GRID2: variants seen among roughly 807,000 people sequenced by gnomAD.
GRID2 encodes glutamate ionotropic receptor delta type subunit 2.
In GRID2, 33 loss-of-function variants were observed where a neutral mutation model predicts 114.8. The observed-to-expected ratio is 0.29, with a 90% CI of 0.22 to 0.38. The LOEUF (loss-of-function observed/expected upper bound fraction) is 0.38. Among genes scored for constraint, GRID2 ranks in the 10% least tolerant of loss-of-function variants. GRID2 has a pLI of 1.00. For missense variants in GRID2, 1,184 were observed against 1,257.7 expected (o/e 0.94, Z 0.89); for synonymous variants, 505 against 449.9 (o/e 1.12, Z -1.55).
intron 1 of GRID2, among the ~76,000 whole-genome samples, chr4:92,569,012 C>A (rs575788132): frequency 6.6e-6 from 1 of 151,858 alleles, no homozygotes; most frequent in South Asian, 2.1e-4. Flanking sequence ...CAAGACATGC[C>A]GGCTTGTTAA....
At chr4:92,641,019 A>G (rs1042886370) in intron 2 of GRID2, among the ~76,000 whole-genome samples, 1 of 151,638 alleles carries the variant, frequency 6.6e-6, no homozygotes, top group African/African-American at 2.4e-5. Context: ...AAGGACGACA[A>G]AAGAAGAGAG....
intron 1 of GRID2, among the ~76,000 whole-genome samples, chr4:92,584,256 A>G (rs1018515473): frequency 6.6e-6 from 1 of 151,998 alleles, no homozygotes; most frequent in African/African-American, 2.4e-5. Context: ...AAATGCCTGT[A>G]TAATTTCCAC....
At chr4:92,907,420 T>A (rs1748037330) in intron 2 of GRID2, among the ~76,000 whole-genome samples, 1 of 151,580 alleles carries the variant, frequency 6.6e-6, no homozygotes, top group African/African-American at 2.4e-5. Context: ...CAGTTTTAAA[T>A]TTTTTTTTGA....
At chr4:93,329,923 A>G (rs1183199429) in intron 8 of GRID2, among the ~76,000 whole-genome samples, 2 of 149,568 alleles carry the variant, frequency 1.3e-5, no homozygotes, top group African/African-American at 4.9e-5. Flanking sequence ...AAAAAAAAAA[A>G]TTGTACTTTT....
chr4:93,374,416 T>G (rs975106365), intron 8 of GRID2, among the ~76,000 whole-genome samples: 2 of 152,142 alleles, frequency 1.3e-5, no homozygotes, highest in Admixed American at 1.3e-4. Context: ...AATTGGTGGA[T>G]AGGCTGAGGA....
chr4:93,671,100 C>G (rs1724370770), intron 14 of GRID2, among the ~76,000 whole-genome samples: 1 of 152,056 alleles, frequency 6.6e-6, no homozygotes, highest in African/African-American at 2.4e-5. Flanking sequence ...TTGAAACTGT[C>G]CTATTTTAAT....
At chr4:93,066,388 C>T (rs1728296988) in intron 2 of GRID2, among the ~76,000 whole-genome samples, 1 of 151,778 alleles carries the variant, frequency 6.6e-6, no homozygotes, top group Non-Finnish European at 1.5e-5. Flanking sequence ...TAAAGATTTG[C>T]CTGGACAAAT....
chr4:93,181,955 T>G (rs1483473859), intron 4 of GRID2, among the ~76,000 whole-genome samples: 1 of 152,144 alleles, frequency 6.6e-6, no homozygotes, highest in Non-Finnish European at 1.5e-5. Flanking sequence ...AATATGGTAG[T>G]CCATGAGATT....
At chr4:92,307,207 TAGG>T (rs766443403) in intron 1 of GRID2, among the ~76,000 whole-genome samples, 10 of 152,116 alleles carry the variant, frequency 6.6e-5, no homozygotes, top group Non-Finnish European at 1.3e-4. Flanking sequence ...TAATTTTCTT[TAGG>T]AGGTGTTGCC....
At chr4:93,190,850 A>G (rs1239390351) in intron 4 of GRID2, among the ~76,000 whole-genome samples, 6 of 152,034 alleles carry the variant, frequency 3.9e-5, no homozygotes, top group Non-Finnish European at 8.8e-5. Context: ...ACCTTTATTC[A>G]TAAAGCAAGT....
In GRID2 at chr4:92,304,525, T is replaced by C. The variant is rs1725276417; in HGVS notation, c.-132T>C. 8.8e-6 allele frequency: 6 copies of C among 682,798 alleles called. No individual in the cohort carries two copies. Among genetic ancestry groups the C allele is most frequent in the Non-Finnish European group, 1.6e-5 (6 of 383,210 alleles). 42.3% of individuals were successfully genotyped at this position (682,798 alleles called of 1,614,324 possible). ...TCTCGGCGACGATAAAAGGCTTTGCTCTGGCAATAGGAATTTAGAAAAAAA... is the reference window on the plus strand; with the variant it reads ...TCTCGGCGACGATAAAAGGCTTTGCCCTGGCAATAGGAATTTAGAAAAAAA... On this transcript the variant is annotated 5_prime_UTR_variant, in exon 1 of 16. Transcript: ENST00000282020.
At chr4:92,834,294 T>A (rs532958574) in intron 2 of GRID2, among the ~76,000 whole-genome samples, 2 of 152,316 alleles carry the variant, frequency 1.3e-5, no homozygotes, top group South Asian at 4.1e-4. Context: ...TCTAAGGAAT[T>A]TCATTTCATA....
intron 4 of GRID2, 44 bp from the exon 5 acceptor site, chr4:93,207,360 G>C: frequency 1.5e-6 from 2 of 1,359,810 alleles, no homozygotes; most frequent in Non-Finnish European, 2.1e-6. Context: ...GGTTTGTTTT[G>C]CATGATTAAT....
intron 2 of GRID2, among the ~76,000 whole-genome samples, chr4:93,073,905 A>G (rs1729033725): frequency 6.6e-6 from 1 of 152,228 alleles, no homozygotes; most frequent in Non-Finnish European, 1.5e-5. Flanking sequence ...GACCTGTGTG[A>G]AACGGAGGCT....
At chr4:93,757,373 C>T (rs1464901001) in intron 14 of GRID2, among the ~76,000 whole-genome samples, 2 of 152,202 alleles carry the variant, frequency 1.3e-5, no homozygotes, top group Non-Finnish European at 2.9e-5. Flanking sequence ...GTACTTTCTT[C>T]CTGCTGGACT....
intron 4 of GRID2, among the ~76,000 whole-genome samples, chr4:93,206,030 C>T (rs1199331443): frequency 6.6e-6 from 1 of 151,790 alleles, no homozygotes. Context: ...TGTAACAAAC[C>T]TGCACATTGT....
chr4:93,445,116 A>G (rs763934321), intron 10 of GRID2, among the ~76,000 whole-genome samples: 149 of 152,146 alleles, frequency 9.8e-4, no homozygotes, highest in Non-Finnish European at 1.6e-3. Context: ...TCTTAAAGGA[A>G]GGATTTTTAT....
intron 4 of GRID2, among the ~76,000 whole-genome samples, chr4:93,154,773 A>ACAC (rs533522738): frequency 2.1e-4 from 32 of 150,482 alleles, no homozygotes; most frequent in East Asian, 1.2e-3. Context: ...AACAAAAAAA[A>ACAC]CACCACCACC....
chr4:93,622,328 G>A (rs772233763), intron 13 of GRID2, among the ~76,000 whole-genome samples: 16 of 152,008 alleles, frequency 1.1e-4, no homozygotes, highest in Non-Finnish European at 1.5e-5. Context: ...CAAGCCCCAC[G>A]TATATAAAAT....
Sources: gnomAD v4.1 joint callset for allele counts (sites outside exome capture counted in the v4.1 genomes callset) on GRCh38, gnomAD v4.1.1 for gene constraint, MANE v1.5 for transcripts, NCBI Gene and HGNC (gene_info 2026-07-23, HGNC 2026-07-21) for gene names.